Variants in MYO5B observed in about 807,000 individuals in gnomAD.
MYO5B encodes the protein myosin VB.
A neutral mutation model predicts 229.3 loss-of-function variants in MYO5B; 143 were observed. The ratio of observed to expected loss-of-function variants is 0.62; its 90% confidence interval spans 0.54 to 0.72. MYO5B has a LOEUF of 0.72. Ranked by LOEUF, MYO5B falls within the 30% of genes least tolerant of loss-of-function variation. The pLI is 0.00. For synonymous variants in MYO5B, 918 were observed against 885.2 expected (o/e 1.04, Z -0.66); for missense variants, 2,321 against 2,331.0 (o/e 1.00, Z 0.09).
intron 38 of MYO5B, 116 bp downstream of exon 38, chr18:49,836,595 G>A: frequency 8.4e-7 from 1 of 1,192,400 alleles, no homozygotes; most frequent in Middle Eastern, 2.0e-4. Context: ...TCTCATTAGG[G>A]GTATATAAAG....
intron 1 of MYO5B, among the ~76,000 whole-genome samples, chr18:50,066,302 T>C (rs1165949047): frequency 1.3e-5 from 2 of 152,184 alleles, no homozygotes; most frequent in East Asian, 3.9e-4. Context: ...ACTATCCCCA[T>C]ACAAACTGTC....
intron 24 of MYO5B, among the ~76,000 whole-genome samples, chr18:49,878,097 A>G (rs1394020705): frequency 6.6e-6 from 1 of 152,128 alleles, no homozygotes; most frequent in Non-Finnish European, 1.5e-5. Flanking sequence ...CTCTTAATGA[A>G]ACGCAAATTC....
At chr18:49,847,871 G>A (rs141788940) in intron 32 of MYO5B, among the ~76,000 whole-genome samples, 8 of 152,348 alleles carry the variant, frequency 5.3e-5, no homozygotes, top group African/African-American at 7.2e-5. Context: ...GTAAGGACAC[G>A]TCCTCAGCCA....
At chr18:49,833,212 A>C (rs2023943965) in intron 39 of MYO5B, among the ~76,000 whole-genome samples, 1 of 152,258 alleles carries the variant, frequency 6.6e-6, no homozygotes, top group Non-Finnish European at 1.5e-5. Flanking sequence ...TAAGGTGGTC[A>C]TTTCACAGAA....
chr18:50,064,072 C>T (rs192948767), intron 1 of MYO5B: 1 of 152,342 alleles, frequency 6.6e-6, no homozygotes, highest in Admixed American at 6.5e-5. Context: ...ACTTATCAAG[C>T]AATGCGGTCA....
intron 21 of MYO5B, among the ~76,000 whole-genome samples, chr18:49,898,165 A>G (rs1379232321): frequency 6.6e-6 from 1 of 152,218 alleles, no homozygotes; most frequent in African/African-American, 2.4e-5. Flanking sequence ...TGTTCACACA[A>G]CTACAAACTC....
At chr18:50,043,085 T>C (rs1341247845) in intron 2 of MYO5B, among the ~76,000 whole-genome samples, 1 of 151,294 alleles carries the variant, frequency 6.6e-6, no homozygotes, top group Admixed American at 6.6e-5. Context: ...CTATTGTGTA[T>C]CTACCCAGAG....
intron 1 of MYO5B, among the ~76,000 whole-genome samples, chr18:50,084,485 C>A (rs991351056): frequency 6.6e-6 from 1 of 152,184 alleles, no homozygotes; most frequent in Admixed American, 6.5e-5. Flanking sequence ...CTGCAAAGTT[C>A]TTTATGTTTC....
intron 1 of MYO5B, among the ~76,000 whole-genome samples, chr18:50,173,315 C>T (rs539444017): frequency 6.6e-6 from 1 of 150,706 alleles, no homozygotes; most frequent in Admixed American, 6.6e-5. Flanking sequence ...CGGATGGATG[C>T]AGCAGGTAAG....
Position 50,001,263 on chromosome 18 carries a change from T to C in MYO5B, c.604A>G (p.Ile202Val), listed in dbSNP as rs867785853. 3 of 1,614,058 alleles carry C rather than the reference T, an allele frequency of 1.9e-6. No homozygotes were observed. Among genetic ancestry groups the C allele is most frequent in the African/African-American group, 2.7e-5 (2 of 74,930 alleles). The change falls in exon 5 of 40, where the codon ATC (isoleucine) becomes GTC (valine). Residue 202 changes from isoleucine to valine, a missense_variant. Physicochemically the swap from Ile to Val is conservative, Grantham distance 29 (BLOSUM62 3). Coordinates refer to ENST00000285039, the MANE Select transcript of MYO5B (RefSeq NM_001080467.3). ...CACCTAGAAGGCTTTACCTCCATGATGGGACTGGATGCCAGCACCTTCTCT... is the reference window on the plus strand; with the variant it reads ...CACCTAGAAGGCTTTACCTCCATGACGGGACTGGATGCCAGCACCTTCTCT... ...IEEKVLASSPIMEAIGNAKTT... is the reference protein window; with the variant it reads ...IEEKVLASSPVMEAIGNAKTT...
At chr18:49,868,096 G>T (rs977751741) in intron 27 of MYO5B, among the ~76,000 whole-genome samples, 6 of 65,172 alleles carry the variant, frequency 9.2e-5, no homozygotes, top group Non-Finnish European at 2.0e-4. Context: ...GAGAAAAAAA[G>T]CAGAAAAATT....
chr18:49,859,661 C>A lies in MYO5B; in HGVS notation c.3945-2771G>T, dbSNP rs180827895. On this transcript the variant is annotated intron_variant, in intron 29 of 39. Coordinates refer to ENST00000285039, the MANE Select transcript of MYO5B (RefSeq NM_001080467.3). ...GTGAACAGTTTGTGGATTAATATGA[C>A]CTAGCCATGAAATTACAGCAGACCC... Among the ~76,000 whole-genome samples, 4 of 152,192 alleles carry A rather than the reference C, an allele frequency of 2.6e-5. No individual in the cohort carries two copies. The East Asian group carries it at 7.7e-4, about 29-fold the overall frequency.
chr18:50,055,252 C>CCCCCCCCCCCCA lies in MYO5B; in HGVS notation c.138+15_138+16insTGGGGGGGGGGG. 5 of 1,437,302 alleles carry CCCCCCCCCCCCA rather than the reference C, an allele frequency of 3.5e-6. No homozygotes were observed. Among genetic ancestry groups the CCCCCCCCCCCCA allele is most frequent in the Non-Finnish European group, 4.9e-6 (5 of 1,023,132 alleles). The allele number at this position is 1,437,302 out of a possible 1,614,324, so 89.0% of individuals were successfully genotyped here. On this transcript the variant is annotated intron_variant, in intron 2 of 39. Transcript: ENST00000285039. ...CCCACCTCACCCCCGCCCCCCTGCCCCGGACTCACTCTTACCGTTTCATCC... is the reference window on the plus strand; with the variant it reads ...CCCACCTCACCCCCGCCCCCCTGCCCCCCCCCCCCCCACGGACTCACTCTTACCGTTTCATCC...
At chr18:49,862,861 TG>T (rs1372749257) in intron 29 of MYO5B, among the ~76,000 whole-genome samples, 1 of 151,950 alleles carries the variant, frequency 6.6e-6, no homozygotes, top group Non-Finnish European at 1.5e-5. Flanking sequence ...TTGCAGCAGA[TG>T]GCTAAGCAGC....
At chr18:49,883,694 A>C (rs2024613187) in intron 22 of MYO5B, among the ~76,000 whole-genome samples, 1 of 152,200 alleles carries the variant, frequency 6.6e-6, no homozygotes, top group Non-Finnish European at 1.5e-5. Context: ...AGATGAACAA[A>C]GCTGGAATAA....
chr18:50,023,404 T>C (rs922104731), intron 4 of MYO5B, among the ~76,000 whole-genome samples: 1 of 152,140 alleles, frequency 6.6e-6, no homozygotes, highest in African/African-American at 2.4e-5. Flanking sequence ...CGGAAAGCAC[T>C]GGACTATTTT....
intron 14 of MYO5B, among the ~76,000 whole-genome samples, chr18:49,945,850 G>A (rs764608672): frequency 2.6e-4 from 40 of 152,248 alleles, no homozygotes; most frequent in African/African-American, 8.2e-4. Context: ...AAAGTGGCCC[G>A]TCAGACTGGT....
At chr18:49,979,369 G>GC (rs2025789859) in intron 9 of MYO5B, among the ~76,000 whole-genome samples, 2 of 152,284 alleles carry the variant, frequency 1.3e-5, no homozygotes, top group East Asian at 3.9e-4. Flanking sequence ...ATGGCAGCAG[G>GC]CCAGACAGGC....
At chr18:50,180,897 C>G (rs1196792095) in intron 1 of MYO5B, among the ~76,000 whole-genome samples, 2 of 152,222 alleles carry the variant, frequency 1.3e-5, no homozygotes, top group South Asian at 4.1e-4. Flanking sequence ...CAGACCACAT[C>G]TCATTCATCC....
Sources: gnomAD v4.1 joint callset for allele counts (sites outside exome capture counted in the v4.1 genomes callset) on GRCh38, gnomAD v4.1.1 for gene constraint, MANE v1.5 for transcripts, NCBI Gene and HGNC (gene_info 2026-07-23, HGNC 2026-07-21) for gene names.